STX8: variants seen among roughly 807,000 people sequenced by gnomAD.
STX8 encodes syntaxin 8.
STX8 carries 23 observed loss-of-function variants against 37.5 expected under a neutral mutation model. That is an observed-to-expected ratio of 0.61 (90% CI 0.44 to 0.87). The LOEUF (loss-of-function observed/expected upper bound fraction) is 0.87, where lower values mean the gene tolerates loss of function less well. Ranked by LOEUF, STX8 falls within the 40% of genes least tolerant of loss-of-function variation. STX8 has a pLI of 0.00. For synonymous variants in STX8, 115 were observed against 99.1 expected, an observed-to-expected ratio of 1.16 and a Z score of -0.95; for missense variants, 313 against 284.7, an observed-to-expected ratio of 1.10 and a Z score of -0.71.
intron 7 of STX8, among the ~76,000 whole-genome samples, chr17:9,319,702 C>G (rs1289268890): frequency 2.0e-5 from 3 of 152,088 alleles, no homozygotes; most frequent in Admixed American, 2.0e-4. Context: ...CCTGTAATCC[C>G]AGCACTTTGG....
At chr17:9,546,170 ACATT>A (rs550165579) in intron 3 of STX8, among the ~76,000 whole-genome samples, 82 of 152,360 alleles carry the variant, frequency 5.4e-4, no homozygotes, top group African/African-American at 1.8e-3. Flanking sequence ...CTATTTAAAT[ACATT>A]GCATGATTTG....
intron 6 of STX8, among the ~76,000 whole-genome samples, chr17:9,416,659 G>A (rs1027440561): frequency 7.9e-5 from 12 of 152,090 alleles, no homozygotes; most frequent in African/African-American, 1.4e-4. Flanking sequence ...GAGCCACCAC[G>A]CCCGGCCTGC....
At chr17:9,255,788 G>A (rs897718265) in intron 7 of STX8, among the ~76,000 whole-genome samples, 9 of 152,208 alleles carry the variant, frequency 5.9e-5, no homozygotes, top group Non-Finnish European at 7.3e-5. Flanking sequence ...CAACTGAGGA[G>A]GTCGTTTTAA....
chr17:9,265,170 T>A (rs1422669260), intron 7 of STX8, among the ~76,000 whole-genome samples: 1 of 151,920 alleles, frequency 6.6e-6, no homozygotes, highest in East Asian at 1.9e-4. Context: ...ATTCCAAACT[T>A]TTCTCTTTCA....
chr17:9,282,087 T>C (rs777302544), intron 7 of STX8, among the ~76,000 whole-genome samples: 6 of 152,208 alleles, frequency 3.9e-5, no homozygotes, highest in Non-Finnish European at 8.8e-5. Context: ...GGACATTTTA[T>C]GTTTTTGTAC....
At chr17:9,464,149 T>A (rs1056956699) in intron 6 of STX8, among the ~76,000 whole-genome samples, 1 of 152,210 alleles carries the variant, frequency 6.6e-6, no homozygotes, top group African/African-American at 2.4e-5. Context: ...TTACCATATA[T>A]GCTCCACATC....
chr17:9,471,297 G>A (rs1303039970), intron 6 of STX8, among the ~76,000 whole-genome samples: 3 of 151,250 alleles, frequency 2.0e-5, no homozygotes, highest in Admixed American at 1.3e-4. Context: ...GATTACAGGC[G>A]CCCGCCATCA....
chr17:9,252,260 T>C (rs867140552), intron 7 of STX8, among the ~76,000 whole-genome samples: 67 of 152,116 alleles, frequency 4.4e-4, no homozygotes, highest in Middle Eastern at 6.8e-3. Flanking sequence ...CTGGCTAACA[T>C]GGTGAAACCC....
chr17:9,504,399 T>C (rs1422819912), intron 5 of STX8, among the ~76,000 whole-genome samples: 1 of 151,822 alleles, frequency 6.6e-6, no homozygotes, highest in African/African-American at 2.4e-5. Context: ...AACTGACATA[T>C]TTTATAATTT....
intron 7 of STX8, among the ~76,000 whole-genome samples, chr17:9,291,587 G>A (rs1908314140): frequency 6.6e-6 from 1 of 151,990 alleles, no homozygotes; most frequent in Non-Finnish European, 1.5e-5. Flanking sequence ...TATTAGTTTA[G>A]GAATTGGACA....
intron 7 of STX8, among the ~76,000 whole-genome samples, chr17:9,264,845 G>T (rs1907174586): frequency 6.6e-6 from 1 of 152,154 alleles, no homozygotes; most frequent in South Asian, 2.1e-4. Context: ...CAGGTGCAGT[G>T]GCTCACGCCT....
intron 7 of STX8, among the ~76,000 whole-genome samples, chr17:9,333,190 C>A (rs985284516): frequency 6.6e-6 from 1 of 152,034 alleles, no homozygotes; most frequent in African/African-American, 2.4e-5. Flanking sequence ...TACGAATGAT[C>A]CCCTCAGCGA....
At chr17:9,250,786 T>G in intron 7 of STX8, 141 bp from the exon 8 acceptor site, 2 of 861,960 alleles carry the variant, frequency 2.3e-6, no homozygotes, top group Admixed American at 2.2e-5. Context: ...AGGTGGTCGG[T>G]GGCCTGGGGC....
At chr17:9,415,739 A>C (rs1432287119) in intron 6 of STX8, among the ~76,000 whole-genome samples, 1 of 152,212 alleles carries the variant, frequency 6.6e-6, no homozygotes, top group Non-Finnish European at 1.5e-5. Flanking sequence ...ACTGCACTCC[A>C]GCCTGACTGA....
intron 6 of STX8, among the ~76,000 whole-genome samples, chr17:9,395,123 A>G (rs117363146): frequency 0.013 from 2,032 of 152,060 alleles, 21 homozygotes; most frequent in Non-Finnish European, 0.02. Flanking sequence ...CTCAGTATTG[A>G]TGTTACTGTA....
chr17:9,547,077 G>C (rs1417501279), intron 3 of STX8, among the ~76,000 whole-genome samples: 1 of 151,050 alleles, frequency 6.6e-6, no homozygotes, highest in Non-Finnish European at 1.5e-5. Flanking sequence ...GTAAAACCCC[G>C]TCTCTACTAA....
intron 1 of STX8, among the ~76,000 whole-genome samples, chr17:9,574,565 G>A (rs1172482801): frequency 6.7e-6 from 1 of 149,658 alleles, no homozygotes; most frequent in Non-Finnish European, 1.5e-5. Flanking sequence ...ACGGAGTTTC[G>A]CTCGTGTTGC....
At chr17:9,330,406 G>A (rs1278452512) in intron 7 of STX8, among the ~76,000 whole-genome samples, 3 of 152,088 alleles carry the variant, frequency 2.0e-5, no homozygotes, top group Non-Finnish European at 4.4e-5. Context: ...TGTGCCTGGA[G>A]CCAGGCTCTA....
intron 1 of STX8, among the ~76,000 whole-genome samples, chr17:9,571,599 C>CAAAAAA (rs66741519): frequency 7.0e-5 from 7 of 99,864 alleles, no homozygotes; most frequent in African/African-American, 2.8e-4. Flanking sequence ...GACTTTGTCT[C>CAAAAAA]AAAAAAAAAA....
Sources: allele counts gnomAD v4.1 joint callset (sites outside exome capture counted in the v4.1 genomes callset), GRCh38; gene constraint gnomAD v4.1.1; transcripts MANE v1.5; gene names NCBI Gene and HGNC (gene_info 2026-07-23, HGNC 2026-07-21).